Variants in RAPGEF1 observed in about 807,000 individuals in gnomAD.
RAPGEF1 encodes the protein Rap guanine nucleotide exchange factor 1, also known as CRK SH3-binding GNRP.
Under a neutral mutation model 143.3 loss-of-function variants are expected in RAPGEF1, and 33 were observed. The observed-to-expected ratio is 0.23, with a 90% CI of 0.17 to 0.31. The LOEUF (loss-of-function observed/expected upper bound fraction) is 0.31, where lower values mean the gene tolerates loss of function less well. RAPGEF1 is among the 10% of genes least tolerant of loss of function. The pLI, the probability that RAPGEF1 is intolerant of heterozygous loss-of-function variation, is 1.00. For synonymous variants in RAPGEF1, 629 were observed against 676.5 expected (o/e 0.93, Z 1.09); for missense variants, 1,199 against 1,645.4 (o/e 0.73, Z 4.69).
intron 1 of RAPGEF1, among the ~76,000 whole-genome samples, chr9:131,681,061 G>A (rs1011047814): frequency 2.0e-5 from 3 of 152,072 alleles, no homozygotes; most frequent in African/African-American, 4.8e-5. Context: ...GGTGTGGTTC[G>A]TCCCACCTTG....
chr9:131,649,315 A>C (rs1970511232), intron 3 of RAPGEF1, among the ~76,000 whole-genome samples: 2 of 148,298 alleles, frequency 1.3e-5, no homozygotes, highest in Non-Finnish European at 3.0e-5. Context: ...TCAGCCTCCC[A>C]AAGTGCTGGG....
In RAPGEF1 at chr9:131,625,890, C is replaced by T. The variant is rs1170283095; in HGVS notation, c.1702+32G>A. ...TACTGCCATTTCAGGTTATAAAATG[C>T]ACTTCCTGACAACAGTGCAACAAAG... On this transcript the variant is annotated intron_variant, in intron 10 of 26. Transcript: ENST00000683357. 4.0e-6 allele frequency: 6 copies of T among 1,515,426 alleles called. No individual in the cohort carries two copies. The South Asian group carries it at 7.9e-5, about 20-fold the overall frequency. 93.9% of individuals were successfully genotyped at this position (1,515,426 alleles called of 1,614,324 possible).
chr9:131,651,057 C>A (rs372205011), intron 1 of RAPGEF1, 108 bp from the exon 2 acceptor site: 11 of 1,341,256 alleles, frequency 8.2e-6, no homozygotes, highest in Non-Finnish European at 7.1e-6. Context: ...TTTTTCTTGG[C>A]TGTTGAGAGT....
At chr9:131,721,748 TAG>T (rs1342292282) in intron 1 of RAPGEF1, among the ~76,000 whole-genome samples, 2 of 152,126 alleles carry the variant, frequency 1.3e-5, no homozygotes, top group Admixed American at 1.3e-4. Flanking sequence ...CTGAAACACG[TAG>T]ACTTTTTTCT....
intron 18 of RAPGEF1, among the ~76,000 whole-genome samples, chr9:131,591,285 C>T (rs1256395083): frequency 6.6e-6 from 1 of 152,206 alleles, no homozygotes; most frequent in African/African-American, 2.4e-5. Flanking sequence ...TCAGGGCACA[C>T]AGGAAGGAGC....
At chr9:131,722,535 T>C (rs576137108) in intron 1 of RAPGEF1, among the ~76,000 whole-genome samples, 2 of 152,322 alleles carry the variant, frequency 1.3e-5, no homozygotes, top group African/African-American at 4.8e-5. Context: ...CGCCAAGCTA[T>C]ATCACCACCA....
chr9:131,650,178 A>G lies in RAPGEF1; in HGVS notation c.266T>C (p.Val89Ala). Residue 89 changes from valine (V) to alanine (A), a missense_variant, in exon 3 of 27, where the codon GTA (valine) becomes GCA (alanine). Val to Ala is a moderately conservative substitution (Grantham distance 64, BLOSUM62 0). This residue lies in a region of RAPGEF1 where 613 missense variants were observed against 710.9 expected (regional missense o/e 0.86). Transcript: ENST00000683357. The surrounding 1 kb of genome is among the most constrained non-coding windows in gnomAD (Gnocchi z 4.7). ...CACAGCACTGGTGGACATAAATTCT[A>G]CTGCCTGCTGCTCCAGATCCAAGGG... is the stretch of plus-strand genomic sequence containing the variant. Reference protein sequence around the residue: ...PLPLDLEQQAVEFMSTSAVAS... With the variant: ...PLPLDLEQQAAEFMSTSAVAS... 6.2e-7 allele frequency: 1 copy of G among 1,613,954 alleles called. No individual in the cohort carries two copies. The highest frequency in any genetic ancestry group is 8.5e-7 in the Non-Finnish European group (1 of 1,179,844).
intron 1 of RAPGEF1, among the ~76,000 whole-genome samples, chr9:131,698,231 C>T (rs1300392863): frequency 6.6e-6 from 1 of 152,210 alleles, no homozygotes; most frequent in Non-Finnish European, 1.5e-5. Context: ...AAATATTATT[C>T]CCATGCCTAA....
chr9:131,733,646 G>A (rs754326246), intron 1 of RAPGEF1, among the ~76,000 whole-genome samples: 37 of 152,254 alleles, frequency 2.4e-4, no homozygotes, highest in Non-Finnish European at 4.7e-4. Context: ...GACGGGTGAC[G>A]AGTCAGAGGA....
chr9:131,606,195 T>A (rs1379623340), intron 12 of RAPGEF1, among the ~76,000 whole-genome samples: 1 of 152,238 alleles, frequency 6.6e-6, no homozygotes, highest in African/African-American at 2.4e-5. Flanking sequence ...GCAAATCCCA[T>A]GGCTTCTGGG....
Position 131,577,070 on chromosome 9 carries a change from C to G in RAPGEF1, c.*2427G>C, listed in dbSNP as rs1291340143. The G allele has an allele frequency of 6.6e-6, 1 of 152,298 alleles. No homozygotes were observed. Among genetic ancestry groups the G allele is most frequent in the East Asian group, 1.9e-4 (1 of 5,194 alleles). 9.4% of individuals were successfully genotyped at this position (152,298 alleles called of 1,614,324 possible). A position where few individuals can be genotyped will look rare whatever the true frequency, so the allele number is the denominator to read the frequency against. ...ACGTCTGTCTGTGAAGACTGATTCC[C>G]ACAACCCGCCCGGGCCCCCCAAAGG... On this transcript the variant is annotated 3_prime_UTR_variant, in exon 27 of 27. Coordinates refer to ENST00000683357, the MANE Select transcript of RAPGEF1 (RefSeq NM_001377935.1).
In RAPGEF1 at chr9:131,577,026, C is replaced by G. The variant is rs1411434771; in HGVS notation, c.*2471G>C. 1.3e-5 allele frequency: 2 copies of G among 150,942 alleles called. No individual in the cohort carries two copies. The highest frequency in any genetic ancestry group is 3.0e-5 in the Non-Finnish European group (2 of 67,778). The allele number at this position is 150,942 out of a possible 1,614,324, so 9.4% of individuals were successfully genotyped here. ...GGTGAGGACTGACCTCTGCAAGGAA[C>G]GAGTCCTCCGCCTGGCTCACGTCTG... is the stretch of plus-strand genomic sequence containing the variant. On this transcript the variant is annotated 3_prime_UTR_variant, in exon 27 of 27. Coordinates refer to ENST00000683357, the MANE Select transcript of RAPGEF1 (RefSeq NM_001377935.1).
chr9:131,590,663 C>A (rs990563192), intron 18 of RAPGEF1, among the ~76,000 whole-genome samples: 2 of 152,238 alleles, frequency 1.3e-5, no homozygotes, highest in African/African-American at 4.8e-5. Flanking sequence ...CTCCTGCCTG[C>A]TCTCTAGTGA....
Position 131,626,490 on chromosome 9 carries a change from C to G in RAPGEF1, c.1202-68G>C, listed in dbSNP as rs915094470. The G allele has an allele frequency of 6.8e-6, 10 of 1,474,952 alleles. No individual in the cohort carries two copies. The East Asian group carries it at 9.2e-5, about 14-fold the overall frequency. The allele number at this position is 1,474,952 out of a possible 1,614,324, so 91.4% of individuals were successfully genotyped here. A position where few individuals can be genotyped will look rare whatever the true frequency, so the allele number is the denominator to read the frequency against. ...CCCTGCAGGAGCAGCCAGCTCCCCC[C>G]GCCCGCCTCTCGCCGGCTCGCTCAT... On this transcript the variant is annotated intron_variant, in intron 9 of 26. Coordinates refer to ENST00000683357, the MANE Select transcript of RAPGEF1 (RefSeq NM_001377935.1).
intron 1 of RAPGEF1, among the ~76,000 whole-genome samples, chr9:131,728,790 G>C (rs568269438): frequency 1.8e-4 from 28 of 152,316 alleles, no homozygotes; most frequent in African/African-American, 6.5e-4. Context: ...TAGAGTAGAA[G>C]GCGACCTGAA....
chr9:131,598,154 C>T (rs1212908199), intron 16 of RAPGEF1, 45 bp downstream of exon 16: 2 of 1,524,826 alleles, frequency 1.3e-6, no homozygotes, highest in Admixed American at 3.4e-5. Context: ...ACCTGCTCTC[C>T]TCTGTGGGGC....
intron 1 of RAPGEF1, among the ~76,000 whole-genome samples, chr9:131,657,087 GC>G (rs747834533): frequency 6.6e-6 from 1 of 152,228 alleles, no homozygotes; most frequent in African/African-American, 2.4e-5. Flanking sequence ...AGCAGCACAG[GC>G]TTCAGGTGAT....
chr9:131,698,648 G>A (rs572826916), intron 1 of RAPGEF1, among the ~76,000 whole-genome samples: 2 of 152,356 alleles, frequency 1.3e-5, no homozygotes, highest in South Asian at 4.1e-4. Context: ...GGGCTGGCCT[G>A]TGGCCTGCTT....
chr9:131,597,174 C>T (rs1955446258), intron 16 of RAPGEF1, among the ~76,000 whole-genome samples: 1 of 152,212 alleles, frequency 6.6e-6, no homozygotes, highest in Non-Finnish European at 1.5e-5. Flanking sequence ...CCAGCCCTCT[C>T]AGCTGCGGTA....
Sources: gnomAD v4.1 joint callset for allele counts (sites outside exome capture counted in the v4.1 genomes callset) on GRCh38, gnomAD v4.1.1 for gene constraint, gnomAD v4.1.1 regional missense constraint, Gnocchi (gnomAD v3.1) non-coding constraint, MANE v1.5 for transcripts, NCBI Gene and HGNC (gene_info 2026-07-23, HGNC 2026-07-21) for gene names.